The following EFR3B variants were observed in gnomAD, a reference collection of about 807,000 sequenced individuals.
EFR3B encodes EFR3 homolog B.
In EFR3B, 64 loss-of-function variants were observed where a neutral mutation model predicts 104.7. The ratio of observed to expected loss-of-function variants is 0.61; its 90% CI spans 0.50 to 0.75. The LOEUF is 0.75. Among genes scored for constraint, EFR3B ranks in the 30% least tolerant of loss-of-function variants. The probability of loss-of-function intolerance (pLI) is 0.00; values close to 1 mark genes in which losing one functional copy is unlikely to be tolerated. For missense variants in EFR3B, 750 were observed against 1,078.5 expected (o/e 0.70, Z 4.27); for synonymous variants, 385 against 417.9 (o/e 0.92, Z 0.96).
chr2:25,102,494 A>G (rs2149190716), intron 3 of EFR3B, among the ~76,000 whole-genome samples: 1 of 152,296 alleles, frequency 6.6e-6, no homozygotes, highest in East Asian at 1.9e-4. Context: ...ACATGGCACC[A>G]GGGGAGAGAA....
intron 1 of EFR3B, among the ~76,000 whole-genome samples, chr2:25,059,875 C>CAAA (rs773320701): frequency 6.2e-5 from 3 of 48,744 alleles, no homozygotes; most frequent in South Asian, 7.6e-4. Context: ...AACTCTGTCT[C>CAAA]AAAAAAAAAA....
chr2:25,096,390 G>T (rs575668276), intron 3 of EFR3B, among the ~76,000 whole-genome samples: 1 of 152,044 alleles, frequency 6.6e-6, no homozygotes, highest in East Asian at 1.9e-4. Flanking sequence ...TTCTCTTTTC[G>T]TTCAGATGAT....
chr2:25,128,915 G>A (rs1372018680), intron 6 of EFR3B, among the ~76,000 whole-genome samples: 1 of 129,198 alleles, frequency 7.7e-6, no homozygotes, highest in African/African-American at 2.9e-5. Context: ...AGCCGAGATC[G>A]CGCCGCTGCA....
intron 17 of EFR3B, 72 bp from the exon 18 acceptor site, chr2:25,143,663 A>C (rs1670736887): frequency 6.5e-7 from 1 of 1,531,896 alleles, no homozygotes; most frequent in Non-Finnish European, 8.8e-7. Context: ...CCTGTCTTAA[A>C]AAAAAAAATT....
chr2:25,053,182 A>T (rs1667927087), intron 1 of EFR3B, among the ~76,000 whole-genome samples: 2 of 152,238 alleles, frequency 1.3e-5, no homozygotes, highest in African/African-American at 4.8e-5. Flanking sequence ...TGAAGGTCCC[A>T]GGCCAGTCAA....
chr2:25,107,923 A>G (rs1382382030), intron 4 of EFR3B, among the ~76,000 whole-genome samples: 1 of 151,724 alleles, frequency 6.6e-6, no homozygotes, highest in Non-Finnish European at 1.5e-5. Flanking sequence ...GGCTCGCTGC[A>G]ACCTCCGCCT....
rs775531991 is a variant in EFR3B at position 25,145,049 on chromosome 2, G to C, written c.2140G>C (p.Glu714Gln). The stretch of plus-strand genomic sequence containing the variant: ...ATCGAGGAACAGTCCGGAGAAGGAG[G>C]AGGTGAGTGTCCGTGCCACCGTCCT... ...VESRNSPEKEERVPAEEITYE... is the reference protein window; with the variant it reads ...VESRNSPEKEQRVPAEEITYE... The change falls in exon 19 of 23, where the codon GAG becomes CAG. Residue 714 changes from glutamate (E) to glutamine (Q), a missense_variant and splice_region_variant. Coordinates refer to ENST00000403714, the MANE Select transcript of EFR3B (RefSeq NM_014971.2). 3.9e-6 allele frequency: 6 copies of C among 1,551,748 alleles called. No homozygotes were observed. The highest frequency in any genetic ancestry group is 2.0e-5 in the Admixed American group (1 of 51,010).
intron 5 of EFR3B, among the ~76,000 whole-genome samples, chr2:25,123,155 G>C (rs1189894278): frequency 6.6e-6 from 1 of 152,036 alleles, no homozygotes; most frequent in Non-Finnish European, 1.5e-5. Context: ...TTGAACCCAG[G>C]AGTTTGAGGC....
At chr2:25,060,717 G>A (rs1668167985) in intron 1 of EFR3B, among the ~76,000 whole-genome samples, 1 of 151,916 alleles carries the variant, frequency 6.6e-6, no homozygotes, top group African/African-American at 2.4e-5. Context: ...TCAGGAGATC[G>A]AGACCATCAT....
intron 1 of EFR3B, among the ~76,000 whole-genome samples, chr2:25,052,557 A>C (rs1267771770): frequency 7.4e-6 from 1 of 135,748 alleles, no homozygotes; most frequent in Non-Finnish European, 1.5e-5. Context: ...GCTGGAGTGC[A>C]GTGGCGTGAT....
At chr2:25,066,895 C>T (rs1380922313) in intron 1 of EFR3B, among the ~76,000 whole-genome samples, 1 of 152,156 alleles carries the variant, frequency 6.6e-6, no homozygotes, top group Admixed American at 6.5e-5. Context: ...CATGTGTGTG[C>T]GTGTGTGCTT....
chr2:25,143,225 A>G (rs1432524229), intron 17 of EFR3B, among the ~76,000 whole-genome samples: 2 of 152,224 alleles, frequency 1.3e-5, no homozygotes, highest in Non-Finnish European at 2.9e-5. Context: ...CAAAGAAAAA[A>G]AAAAGTGACT....
At chr2:25,062,659 GAGTAGCA>G (rs1668228349) in intron 1 of EFR3B, among the ~76,000 whole-genome samples, 1 of 152,208 alleles carries the variant, frequency 6.6e-6, no homozygotes, top group East Asian at 1.9e-4. Context: ...CTTACGTGCC[GAGTAGCA>G]AGCAGAGGAA....
At chr2:25,062,133 T>C (rs1284657774) in intron 1 of EFR3B, among the ~76,000 whole-genome samples, 1 of 152,262 alleles carries the variant, frequency 6.6e-6, no homozygotes. Flanking sequence ...AGTGAGCATG[T>C]ATTTTTAATG....
In EFR3B at chr2:25,142,601, A is replaced by T. The variant is rs541705832; in HGVS notation, c.1923-1134A>T. 1.3e-4 allele frequency among the ~76,000 whole-genome samples: 20 copies of T among 151,730 alleles called. No individual in the cohort carries two copies. The East Asian group carries it at 3.7e-3, about 28-fold the overall frequency. Reference sequence around the variant, plus strand: ...CAGTAAAACCCTGTCTCTACTAAAAATACAAAAATTAGCCAGGTGTGGTGG... The same window carrying T: ...CAGTAAAACCCTGTCTCTACTAAAATTACAAAAATTAGCCAGGTGTGGTGG... On this transcript the variant is annotated intron_variant, in intron 17 of 22. Coordinates refer to ENST00000403714, the MANE Select transcript of EFR3B (RefSeq NM_014971.2).
chr2:25,157,490 T>C lies in EFR3B; in HGVS notation c.*3150T>C, dbSNP rs1380472296. 6.6e-6 allele frequency: 1 copy of C among 152,244 alleles called. No homozygotes were observed. The highest frequency in any genetic ancestry group is 2.4e-5 in the African/African-American group (1 of 41,426). 9.4% of individuals were successfully genotyped at this position (152,244 alleles called of 1,614,324 possible). ...CCCCTGGAGGCTAGTGGCATTGCATTGTGCCCCTTTTTGCCACCCTTCTCT... is the reference window on the plus strand; with the variant it reads ...CCCCTGGAGGCTAGTGGCATTGCATCGTGCCCCTTTTTGCCACCCTTCTCT... On this transcript the variant is annotated 3_prime_UTR_variant, in exon 23 of 23. Transcript: ENST00000403714.
chr2:25,143,523 G>A (rs1251698261), intron 17 of EFR3B, among the ~76,000 whole-genome samples: 1 of 152,032 alleles, frequency 6.6e-6, no homozygotes, highest in East Asian at 1.9e-4. Flanking sequence ...AGCCTGGCGT[G>A]GTGGCAGGTG....
chr2:25,142,978 C>G (rs1259840343), intron 17 of EFR3B, among the ~76,000 whole-genome samples: 2 of 144,346 alleles, frequency 1.4e-5, no homozygotes, highest in Non-Finnish European at 3.0e-5. Flanking sequence ...CTGGGCATGG[C>G]GGCTCATGCC....
intron 12 of EFR3B, among the ~76,000 whole-genome samples, chr2:25,134,987 T>C (rs1055591455): frequency 3.9e-5 from 6 of 152,208 alleles, no homozygotes; most frequent in African/African-American, 1.2e-4. Flanking sequence ...CTAACAGACA[T>C]GTTACAAAAT....
Sources: gnomAD v4.1 joint callset for allele counts (sites outside exome capture counted in the v4.1 genomes callset) on GRCh38, gnomAD v4.1.1 for gene constraint, MANE v1.5 for transcripts, NCBI Gene and HGNC (gene_info 2026-07-23, HGNC 2026-07-21) for gene names.